Variants in RYR3 observed in about 807,000 individuals in gnomAD.
RYR3 encodes ryanodine receptor 3.
RYR3 carries 207 observed loss-of-function variants against 584.3 expected under a neutral mutation model. That is an observed-to-expected ratio of 0.35 (90% CI 0.32 to 0.40). The LOEUF (loss-of-function observed/expected upper bound fraction) is 0.40, where lower values mean the gene tolerates loss of function less well. RYR3 is among the 10% of genes least tolerant of loss of function. The pLI is 1.00. For synonymous variants in RYR3, 2,416 were observed against 2,248.5 expected (o/e 1.07, Z -2.11); for missense variants, 5,616 against 6,089.2 (o/e 0.92, Z 2.59).
intron 3 of RYR3, among the ~76,000 whole-genome samples, chr15:33,513,184 C>CT (rs567285751): frequency 2.0e-4 from 30 of 152,264 alleles, no homozygotes; most frequent in African/African-American, 7.0e-4. Flanking sequence ...ATGTAATTCG[C>CT]TTTTTAATAA....
At chr15:33,861,424 TA>T (rs1402527334) in intron 102 of RYR3, among the ~76,000 whole-genome samples, 2 of 151,840 alleles carry the variant, frequency 1.3e-5, no homozygotes, top group Non-Finnish European at 2.9e-5. Flanking sequence ...CCGGGACACA[TA>T]CCTCCAGCAA....
At chr15:33,544,083 A>G (rs893673852) in intron 8 of RYR3, among the ~76,000 whole-genome samples, 44 of 152,192 alleles carry the variant, frequency 2.9e-4, no homozygotes, top group Non-Finnish European at 3.7e-4. Context: ...AAATAGCATT[A>G]GAGAAACTGA....
intron 60 of RYR3, among the ~76,000 whole-genome samples, chr15:33,762,922 A>G (rs983916253): frequency 3.3e-5 from 5 of 152,236 alleles, no homozygotes; most frequent in Admixed American, 6.5e-5. Flanking sequence ...AAACAGAGAT[A>G]TAGACCAATG....
At chr15:33,511,165 C>G (rs537735020) in intron 3 of RYR3, among the ~76,000 whole-genome samples, 22 of 151,856 alleles carry the variant, frequency 1.4e-4, no homozygotes, top group Admixed American at 1.2e-3. Flanking sequence ...AGTGGTTCAG[C>G]TGACTTAGGC....
chr15:33,528,162 G>C (rs2054554508), intron 3 of RYR3, among the ~76,000 whole-genome samples: 1 of 151,824 alleles, frequency 6.6e-6, no homozygotes, highest in Non-Finnish European at 1.5e-5. Flanking sequence ...AATTTTGATT[G>C]TGACACTGTC....
intron 10 of RYR3, among the ~76,000 whole-genome samples, chr15:33,557,685 G>A (rs904583553): frequency 6.6e-6 from 1 of 152,014 alleles, no homozygotes; most frequent in African/African-American, 2.4e-5. Flanking sequence ...GCCCGGCCGG[G>A]TTCTAATTCC....
At chr15:33,391,338 A>C (rs766921051) in intron 1 of RYR3, among the ~76,000 whole-genome samples, 1 of 152,184 alleles carries the variant, frequency 6.6e-6, no homozygotes, top group Admixed American at 6.5e-5. Flanking sequence ...AAAAGTAGTT[A>C]AAATTTGGGC....
Position 33,753,015 on chromosome 15 carries a change from A to G in RYR3, c.8400-2050A>G, listed in dbSNP as rs544574110. Among the ~76,000 whole-genome samples the G allele has an allele frequency of 2.6e-5, 4 of 152,302 alleles. No homozygotes were observed. The East Asian group carries it at 7.7e-4, about 29-fold the overall frequency. On this transcript the variant is annotated intron_variant, in intron 57 of 103. Transcript: ENST00000634891. ...TTTATTGAAGGCCTTTTCTCCCTCT[A>G]TTGAGATAATCATGTGGTTTTTGTC... is the stretch of plus-strand genomic sequence containing the variant.
At chr15:33,501,644 G>A (rs1390354472) in intron 2 of RYR3, among the ~76,000 whole-genome samples, 1 of 152,032 alleles carries the variant, frequency 6.6e-6, no homozygotes, top group African/African-American at 2.4e-5. Context: ...TAGGCAGAGT[G>A]GTAGAAAAAT....
At chr15:33,574,587 T>C (rs2058198968) in intron 12 of RYR3, among the ~76,000 whole-genome samples, 1 of 152,172 alleles carries the variant, frequency 6.6e-6, no homozygotes. Flanking sequence ...CCCCCATTAT[T>C]CCTTCCCCAT....
At chr15:33,475,039 G>GT (rs1182297101) in intron 2 of RYR3, among the ~76,000 whole-genome samples, 1 of 152,018 alleles carries the variant, frequency 6.6e-6, no homozygotes, top group Non-Finnish European at 1.5e-5. Context: ...TCTTAGCTAG[G>GT]TTTTTTTGTT....
At chr15:33,612,576 TCTCGAA>T (rs569972573) in intron 18 of RYR3, among the ~76,000 whole-genome samples, 18 of 152,316 alleles carry the variant, frequency 1.2e-4, no homozygotes, top group Admixed American at 5.9e-4. Flanking sequence ...GTCAGGCTGG[TCTCGAA>T]CTCCTGACCT....
At chr15:33,353,782 T>C (rs1358114177) in intron 1 of RYR3, among the ~76,000 whole-genome samples, 3 of 152,024 alleles carry the variant, frequency 2.0e-5, no homozygotes, top group Non-Finnish European at 4.4e-5. Flanking sequence ...GATTTTTTTT[T>C]CAGGTAGGTC....
intron 5 of RYR3, among the ~76,000 whole-genome samples, chr15:33,538,052 T>C (rs889448214): frequency 1.2e-4 from 18 of 152,124 alleles, no homozygotes; most frequent in African/African-American, 4.3e-4. Context: ...CCTTCATAGA[T>C]ACTAATATAG....
chr15:33,709,168 T>A (rs974031957), intron 43 of RYR3, among the ~76,000 whole-genome samples: 15 of 152,228 alleles, frequency 9.9e-5, no homozygotes, highest in Non-Finnish European at 2.1e-4. Context: ...GCAAAGGATG[T>A]CAGCTTCTCC....
In RYR3 at chr15:33,506,792, A is replaced by T. The variant is rs1049005492; in HGVS notation, c.279+3054A>T. On this transcript the variant is annotated intron_variant, in intron 3 of 103. Coordinates refer to ENST00000634891, the MANE Select transcript of RYR3 (RefSeq NM_001036.6). ...TTTATATCATCTCTGGAGTCTGATT[A>T]TTTTGCTTTTCTGAAGTAATTACTG... Among the ~76,000 whole-genome samples, 4 of 152,244 alleles carry T rather than the reference A, an allele frequency of 2.6e-5. No individual in the cohort carries two copies. In the East Asian group the frequency reaches 7.7e-4, roughly 29 times the overall value.
At chr15:33,735,574 T>G (rs1046530445) in intron 48 of RYR3, among the ~76,000 whole-genome samples, 2 of 152,236 alleles carry the variant, frequency 1.3e-5, no homozygotes, top group African/African-American at 4.8e-5. Flanking sequence ...CCACTAGGTT[T>G]TTTTTAAAGT....
rs1888031474 is a variant in RYR3, at chr15:33,861,072, T to C, written c.14365-6T>C. 6.4e-7 allele frequency: 1 copy of C among 1,573,722 alleles called. No individual in the cohort carries two copies. Among genetic ancestry groups the C allele is most frequent in the South Asian group, 1.2e-5 (1 of 85,912 alleles). On this transcript the variant is annotated splice_polypyrimidine_tract_variant and splice_region_variant and intron_variant, in intron 101 of 103. Coordinates refer to ENST00000634891, the MANE Select transcript of RYR3 (RefSeq NM_001036.6). ...AAATGCCTTTTCTGCCTGTTATTTT[T>C]CTTAGACTAAATGTTTCATCTGTGG...
chr15:33,662,975 C>A, intron 35 of RYR3, 27 bp downstream of exon 35: 1 of 1,586,518 alleles, frequency 6.3e-7, no homozygotes, highest in African/African-American at 1.3e-5. Flanking sequence ...TAAGTGGAGG[C>A]AGGTTAATAG....
Sources: allele counts gnomAD v4.1 joint callset (sites outside exome capture counted in the v4.1 genomes callset), GRCh38; gene constraint gnomAD v4.1.1; transcripts MANE v1.5; gene names NCBI Gene and HGNC (gene_info 2026-07-23, HGNC 2026-07-21).